Variants in HPSE2 observed in about 807,000 individuals in gnomAD.
HPSE2 encodes inactive heparanase-2.
In HPSE2, 38 loss-of-function variants were observed where a neutral mutation model predicts 60.5. The ratio of observed to expected loss-of-function variants is 0.63; its 90% CI spans 0.48 to 0.82. The LOEUF is 0.82. HPSE2 is among the 40% of genes least tolerant of loss of function. The pLI, the probability that HPSE2 is intolerant of heterozygous loss-of-function variation, is 0.00. For missense variants in HPSE2, 713 were observed against 740.4 expected, an observed-to-expected ratio of 0.96 and a Z score of 0.43; for synonymous variants, 295 against 293.2, an observed-to-expected ratio of 1.01 and a Z score of -0.06.
chr10:98,986,913 G>A (rs1437326250), intron 3 of HPSE2, among the ~76,000 whole-genome samples: 4 of 152,068 alleles, frequency 2.6e-5, no homozygotes, highest in Admixed American at 2.0e-4. Context: ...TAAATTTCTC[G>A]GCACATAAAC....
At chr10:98,778,281 A>AGAGAGAGAGAGT (rs1950388837) in intron 3 of HPSE2, among the ~76,000 whole-genome samples, 1 of 151,052 alleles carries the variant, frequency 6.6e-6, no homozygotes, top group African/African-American at 2.4e-5. Flanking sequence ...AGAGAGAGAG[A>AGAGAGAGAGAGT]GAGAGAGAGA....
At chr10:99,091,523 T>G (rs924589753) in intron 3 of HPSE2, among the ~76,000 whole-genome samples, 2 of 152,164 alleles carry the variant, frequency 1.3e-5, no homozygotes, top group Non-Finnish European at 2.9e-5. Context: ...GCTATGATTT[T>G]GAACCCATTC....
intron 2 of HPSE2, among the ~76,000 whole-genome samples, chr10:99,163,544 T>A (rs1274583417): frequency 6.6e-6 from 1 of 152,160 alleles, no homozygotes; most frequent in East Asian, 1.9e-4. Context: ...ATACATTGGT[T>A]TATATTTTTA....
At chr10:98,933,758 G>T (rs1175877946) in intron 3 of HPSE2, among the ~76,000 whole-genome samples, 1 of 139,628 alleles carries the variant, frequency 7.2e-6, no homozygotes, top group Admixed American at 7.1e-5. Flanking sequence ...TTGAGATGGA[G>T]TCTTGCTCTT....
rs1339138051 is a variant in HPSE2, at chr10:98,765,864, G to A, written c.611-21808C>T. ...TCTAAATAAAAAAATAAAATGAAGA[G>A]AGGTTTCACATCATTAATCTAATCA... On this transcript the variant is annotated intron_variant, in intron 3 of 11. Transcript: ENST00000370552. Among the ~76,000 whole-genome samples, 8 of 151,596 alleles carry A rather than the reference G, an allele frequency of 5.3e-5. No homozygotes were observed. In the South Asian group the frequency reaches 6.3e-4, roughly 12 times the overall value.
chr10:98,545,935 G>C (rs1198901489), intron 9 of HPSE2, among the ~76,000 whole-genome samples: 3 of 150,134 alleles, frequency 2.0e-5, no homozygotes, highest in East Asian at 4.0e-4. Flanking sequence ...TCCTTAAGCT[G>C]ATAAGCAACT....
chr10:98,499,961 A>C (rs1941977167), intron 9 of HPSE2, among the ~76,000 whole-genome samples: 1 of 152,248 alleles, frequency 6.6e-6, no homozygotes, highest in South Asian at 2.1e-4. Context: ...CTTGGCTAAC[A>C]GGAAAATATC....
intron 3 of HPSE2, among the ~76,000 whole-genome samples, chr10:98,941,201 C>T (rs1319402541): frequency 7.3e-6 from 1 of 136,752 alleles, no homozygotes; most frequent in East Asian, 2.1e-4. Context: ...CTCACCACTC[C>T]TATTCAACAT....
At chr10:98,713,239 T>G (rs1948716031) in intron 5 of HPSE2, among the ~76,000 whole-genome samples, 1 of 151,954 alleles carries the variant, frequency 6.6e-6, no homozygotes, top group Non-Finnish European at 1.5e-5. Flanking sequence ...CAGGCCATGG[T>G]CAAGAGATTA....
At chr10:98,481,698 AG>A (rs761088904) in intron 11 of HPSE2, among the ~76,000 whole-genome samples, 5 of 152,232 alleles carry the variant, frequency 3.3e-5, no homozygotes, top group African/African-American at 7.2e-5. Flanking sequence ...CAAGCCACCA[AG>A]GTTGCAGTGA....
intron 3 of HPSE2, among the ~76,000 whole-genome samples, chr10:98,837,876 A>C (rs1320174041): frequency 2.0e-5 from 3 of 151,626 alleles, no homozygotes; most frequent in African/African-American, 7.3e-5. Flanking sequence ...TCCATCTCAA[A>C]AAAAAAAAAA....
At position 99,132,145 on chromosome 10, in the gene HPSE2, G is replaced by GGAA. The variant is rs201482333; in HGVS notation, c.610+12090_610+12092dup. Among the ~76,000 whole-genome samples the GGAA allele has an allele frequency of 7.1e-3, 170 of 24,024 alleles. 26 individuals are homozygous for GGAA. The highest frequency in any genetic ancestry group is 0.034 in the Admixed American group (44 of 1,312). The allele number at this position is 24,024 out of a possible 152,430, so 15.8% of individuals were successfully genotyped here. On this transcript the variant is annotated intron_variant, in intron 3 of 11. Transcript: ENST00000370552. ...AAAAGAAAGAAAGGAAAGAAAGAAA[G>GGAA]GAAGAAAGAAAGAAAGAAAGAAAGA...
chr10:98,745,227 G>A (rs1251034513), intron 3 of HPSE2, among the ~76,000 whole-genome samples: 1 of 152,082 alleles, frequency 6.6e-6, no homozygotes, highest in Non-Finnish European at 1.5e-5. Context: ...ATAAAAAAAA[G>A]AAATATGTTC....
intron 1 of HPSE2, among the ~76,000 whole-genome samples, chr10:99,234,182 G>A (rs1428365432): frequency 6.6e-6 from 1 of 152,150 alleles, no homozygotes; most frequent in Non-Finnish European, 1.5e-5. Context: ...CCGCCCTCGC[G>A]GCAACCGCAC....
intron 3 of HPSE2, among the ~76,000 whole-genome samples, chr10:99,080,661 T>G (rs1843103161): frequency 6.6e-6 from 1 of 152,218 alleles, no homozygotes; most frequent in Non-Finnish European, 1.5e-5. Flanking sequence ...TCTTTGAGAT[T>G]TAAGACAATA....
intron 2 of HPSE2, among the ~76,000 whole-genome samples, chr10:99,207,225 T>C (rs1201908572): frequency 1.3e-5 from 2 of 152,098 alleles, no homozygotes; most frequent in Admixed American, 6.6e-5. Flanking sequence ...AGAAACTTTA[T>C]AGGCCAGGAG....
At chr10:98,777,903 T>C (rs1251261763) in intron 3 of HPSE2, among the ~76,000 whole-genome samples, 1 of 152,138 alleles carries the variant, frequency 6.6e-6, no homozygotes, top group Admixed American at 6.6e-5. Flanking sequence ...GGAAACATGA[T>C]GTGGTCCTTC....
chr10:98,527,693 C>A (rs74832394), intron 9 of HPSE2, among the ~76,000 whole-genome samples: 4,825 of 152,234 alleles, frequency 0.032, 143 homozygotes, highest in African/African-American at 0.083. Context: ...TGCCCTAGAT[C>A]GACTCTGAGC....
chr10:98,804,028 G>A (rs1249736311), intron 3 of HPSE2, among the ~76,000 whole-genome samples: 2 of 151,814 alleles, frequency 1.3e-5, no homozygotes, highest in East Asian at 1.9e-4. Context: ...TCCTTGAAGA[G>A]GTCCTTCACG....
Sources: gnomAD v4.1 joint callset for allele counts (sites outside exome capture counted in the v4.1 genomes callset) on GRCh38, gnomAD v4.1.1 for gene constraint, MANE v1.5 for transcripts, NCBI Gene and HGNC (gene_info 2026-07-23, HGNC 2026-07-21) for gene names.